MGAT5: variants seen among roughly 807,000 people sequenced by gnomAD.
MGAT5 encodes the protein alpha-1,6-mannosylglycoprotein 6-beta-N-acetylglucosaminyltransferase A.
A neutral mutation model predicts 94.3 loss-of-function variants in MGAT5; 30 were observed. The ratio of observed to expected loss-of-function variants is 0.32; its 90% CI spans 0.24 to 0.43. The LOEUF (loss-of-function observed/expected upper bound fraction) is 0.43, where lower values mean the gene tolerates loss of function less well. Ranked by LOEUF, MGAT5 falls within the 20% of genes least tolerant of loss-of-function variation. MGAT5 has a pLI of 1.00. For missense variants in MGAT5, 691 were observed against 905.5 expected (o/e 0.76, Z 3.04); for synonymous variants, 310 against 322.9 (o/e 0.96, Z 0.43).
chr2:134,403,630 C>T (rs1683181385), intron 11 of MGAT5, among the ~76,000 whole-genome samples: 1 of 152,142 alleles, frequency 6.6e-6, no homozygotes, highest in South Asian at 2.1e-4. Context: ...GGAAGCAGAG[C>T]AAGCATCAGG....
At chr2:134,175,691 C>T (rs1381209694) in intron 1 of MGAT5, among the ~76,000 whole-genome samples, 1 of 152,230 alleles carries the variant, frequency 6.6e-6, no homozygotes, top group Non-Finnish European at 1.5e-5. Flanking sequence ...ATCCTGTTCC[C>T]TTCCCATAAT....
chr2:134,364,735 T>C (rs894515738), intron 10 of MGAT5, among the ~76,000 whole-genome samples: 4 of 152,176 alleles, frequency 2.6e-5, no homozygotes, highest in South Asian at 4.1e-4. Context: ...TTTTATTACA[T>C]CCAGCATTCT....
intron 1 of MGAT5, among the ~76,000 whole-genome samples, chr2:134,236,892 A>C (rs1288938700): frequency 2.0e-5 from 3 of 152,184 alleles, no homozygotes; most frequent in Admixed American, 2.0e-4. Context: ...CCTTCCATGA[A>C]TATTTGTCTG....
chr2:134,270,227 G>A (rs547511395), intron 1 of MGAT5, among the ~76,000 whole-genome samples, 159 bp from the exon 2 acceptor site: 1 of 152,364 alleles, frequency 6.6e-6, no homozygotes, highest in Non-Finnish European at 1.5e-5. Flanking sequence ...TGGGCCAGTT[G>A]AAGACGGCCC....
intron 1 of MGAT5, among the ~76,000 whole-genome samples, chr2:134,168,885 T>C (rs778011081): frequency 2.2e-4 from 33 of 152,150 alleles, no homozygotes; most frequent in Admixed American, 1.4e-3. Context: ...ACGTCGTCCA[T>C]AGGGAATAAG....
At chr2:134,349,611 C>A (rs1184541471) in intron 8 of MGAT5, among the ~76,000 whole-genome samples, 194 bp from the exon 9 acceptor site, 1 of 152,160 alleles carries the variant, frequency 6.6e-6, no homozygotes, top group Non-Finnish European at 1.5e-5. Flanking sequence ...TGTGTGATGT[C>A]TCAGACTCTA....
chr2:134,270,339 A>G, intron 1 of MGAT5, 47 bp from the exon 2 acceptor site: 2 of 1,567,698 alleles, frequency 1.3e-6, no homozygotes, highest in Non-Finnish European at 1.7e-6. Flanking sequence ...CCAGACAGAT[A>G]TGTAGAGGCC....
At chr2:134,439,901 C>T (rs545970622) in intron 14 of MGAT5, among the ~76,000 whole-genome samples, 2 of 152,308 alleles carry the variant, frequency 1.3e-5, no homozygotes, top group South Asian at 2.1e-4. Flanking sequence ...GAAACATTTC[C>T]TCGGCTTGCG....
chr2:134,189,608 T>TTTTTTTTTTTTTTTTTTG (rs1558978173), intron 1 of MGAT5, among the ~76,000 whole-genome samples: 1 of 92,344 alleles, frequency 1.1e-5, no homozygotes. Flanking sequence ...TTTTGTTTTT[T>TTTTTTTTTTTTTTTTTTG]TTTTTTTTTT....
At chr2:134,225,736 A>G (rs1681026665) in intron 1 of MGAT5, among the ~76,000 whole-genome samples, 1 of 152,314 alleles carries the variant, frequency 6.6e-6, no homozygotes, top group African/African-American at 2.4e-5. Flanking sequence ...TCTACATTTG[A>G]TAAGTCTGGT....
At chr2:134,300,347 A>G (rs1685940420) in intron 2 of MGAT5, among the ~76,000 whole-genome samples, 1 of 152,140 alleles carries the variant, frequency 6.6e-6, no homozygotes, top group Non-Finnish European at 1.5e-5. Context: ...AAGCCTACAG[A>G]CAGGATTAGG....
chr2:134,415,476 T>TC (rs1307970599), intron 12 of MGAT5, among the ~76,000 whole-genome samples: 1 of 152,212 alleles, frequency 6.6e-6, no homozygotes, highest in South Asian at 2.1e-4. Flanking sequence ...TTGGGTTTTT[T>TC]CCGCAGTTGA....
intron 1 of MGAT5, among the ~76,000 whole-genome samples, chr2:134,240,770 ATAT>A (rs969217651): frequency 1.3e-5 from 2 of 152,202 alleles, no homozygotes; most frequent in African/African-American, 4.8e-5. Flanking sequence ...GAAATAGAAA[ATAT>A]TATGACTGTT....
intron 1 of MGAT5, among the ~76,000 whole-genome samples, chr2:134,131,517 C>T (rs971290780): frequency 8.0e-5 from 12 of 150,806 alleles, no homozygotes; most frequent in Non-Finnish European, 1.8e-4. Flanking sequence ...TAAAACCTCT[C>T]TGCTTCTGCC....
intron 14 of MGAT5, among the ~76,000 whole-genome samples, chr2:134,439,406 G>A (rs1057359616): frequency 5.9e-5 from 9 of 152,158 alleles, no homozygotes; most frequent in African/African-American, 2.2e-4. Context: ...CTCATTAAAA[G>A]TAACACAAGG....
rs116014603 is a variant in MGAT5, at chr2:134,179,265, G to C, written c.-143+58974G>C. Among the ~76,000 whole-genome samples, 908 of 152,276 alleles carry C rather than the reference G, an allele frequency of 6.0e-3. 10 individuals are homozygous for C. The highest frequency in any genetic ancestry group is 0.02 in the African/African-American group (833 of 41,540). On this transcript the variant is annotated intron_variant, in intron 1 of 16. Transcript: ENST00000409645. ...GTCTAGTGTTATTAAGCACAAGAAG[G>C]CTGGAGAAGGCTGCGATGTATCTTA...
rs1438492083 is a variant in MGAT5 at position 134,273,312 on chromosome 2, C to CTGATG, written c.406+2763_406+2764insGATGT. On this transcript the variant is annotated intron_variant, in intron 2 of 15. Transcript: ENST00000281923. ...TAACCATGCTGATGTCTTCAGACCC[C>CTGATG]TCTGTCAACCCAAGAATGGCTCCTG... Among the ~76,000 whole-genome samples the CTGATG allele has an allele frequency of 6.6e-5, 10 of 152,318 alleles. No individual in the cohort carries two copies. The East Asian group carries it at 9.6e-4, about 15-fold the overall frequency.
chr2:134,425,554 A>G, intron 13 of MGAT5, among the ~76,000 whole-genome samples: 1 of 152,180 alleles, frequency 6.6e-6, no homozygotes, highest in East Asian at 1.9e-4. Flanking sequence ...CTGCTTACTC[A>G]GAATCCTATG....
chr2:134,168,523 C>T (rs1354016670), intron 1 of MGAT5, among the ~76,000 whole-genome samples: 2 of 152,204 alleles, frequency 1.3e-5, no homozygotes. Flanking sequence ...CAACCTAGAT[C>T]TATGAAACTG....
Sources: gnomAD v4.1 joint callset for allele counts (sites outside exome capture counted in the v4.1 genomes callset) on GRCh38, gnomAD v4.1.1 for gene constraint, MANE v1.5 for transcripts, NCBI Gene and HGNC (gene_info 2026-07-23, HGNC 2026-07-21) for gene names.